SPAG17: variants seen among roughly 807,000 people sequenced by gnomAD.
SPAG17 encodes the protein sperm-associated antigen 17.
In SPAG17, 169 loss-of-function variants were observed where a neutral mutation model predicts 273.6. The ratio of observed to expected loss-of-function variants is 0.62; its 90% CI spans 0.55 to 0.70. SPAG17 has a LOEUF of 0.70. SPAG17 is among the 30% of genes least tolerant of loss of function. The probability of loss-of-function intolerance (pLI) is 0.00; values close to 1 mark genes in which losing one functional copy is unlikely to be tolerated. For synonymous variants in SPAG17, 825 were observed against 873.2 expected, an observed-to-expected ratio of 0.94 and a Z score of 0.97; for missense variants, 2,557 against 2,627.8, an observed-to-expected ratio of 0.97 and a Z score of 0.59.
At chr1:117,960,720 G>C (rs1652962965) in intron 48 of SPAG17, 1 of 152,190 alleles carries the variant, frequency 6.6e-6, no homozygotes, top group African/African-American at 2.4e-5. Flanking sequence ...GTGTATTACA[G>C]TTCATTTTAT....
At chr1:118,030,555 T>A (rs1028803917) in intron 25 of SPAG17, among the ~76,000 whole-genome samples, 1 of 152,140 alleles carries the variant, frequency 6.6e-6, no homozygotes, top group Non-Finnish European at 1.5e-5. Context: ...AAGCCCTGCA[T>A]GCATTAGGTA....
rs745854190 is a variant in SPAG17 at position 117,955,971 on chromosome 1, GC to G, written c.*1-1923del. Among the ~76,000 whole-genome samples, 41 of 152,156 alleles carry G rather than the reference GC, an allele frequency of 2.7e-4. No individual in the cohort carries two copies. In the East Asian group the frequency reaches 3.7e-3, roughly 14 times the overall value. Reference sequence around the variant, plus strand: ...GCATAAGCTTTTAAAGTTTTATATTGCCAAATTACTTTCCAGGGTGATTATA... The same window carrying G: ...GCATAAGCTTTTAAAGTTTTATATTGCAAATTACTTTCCAGGGTGATTATA... On this transcript the variant is annotated intron_variant, in intron 48 of 48. Transcript: ENST00000336338.
chr1:118,091,832 T>C, intron 9 of SPAG17, 98 bp downstream of exon 9: 2 of 1,363,358 alleles, frequency 1.5e-6, no homozygotes, highest in South Asian at 2.3e-5. Flanking sequence ...GCAGGAGCTG[T>C]AGGTGAAGGG....
At chr1:117,957,264 G>A in intron 48 of SPAG17, 1 of 1,521,916 alleles carries the variant, frequency 6.6e-7, no homozygotes. Context: ...CTTAACTGAA[G>A]CTGTCAACAC....
chr1:118,027,329 T>G (rs1465735912), intron 26 of SPAG17, among the ~76,000 whole-genome samples: 1 of 152,212 alleles, frequency 6.6e-6, no homozygotes, highest in East Asian at 1.9e-4. Context: ...TCTGCTTTTT[T>G]GCGGGGGAGG....
At chr1:118,092,273 A>C (rs1191945696) in intron 8 of SPAG17, among the ~76,000 whole-genome samples, 1 of 152,150 alleles carries the variant, frequency 6.6e-6, no homozygotes, top group Non-Finnish European at 1.5e-5. Context: ...CTGAGCATCA[A>C]ACAGGTTTTT....
chr1:118,049,553 G>A lies in SPAG17; in HGVS notation c.2814+4449C>T, dbSNP rs371027655. 5.3e-5 allele frequency among the ~76,000 whole-genome samples: 8 copies of A among 152,222 alleles called. No individual in the cohort carries two copies. In the East Asian group the frequency reaches 1.5e-3, roughly 29 times the overall value. The stretch of plus-strand genomic sequence containing the variant: ...CATAATAAAAACTCTCAACAAAGTA[G>A]ATAAAGAGGAAATGTATCTCAACAC... On this transcript the variant is annotated intron_variant, in intron 20 of 48. Transcript: ENST00000336338.
In SPAG17 at chr1:118,091,947, G is replaced by A. The variant is rs554541819; in HGVS notation, c.1229C>T (p.Pro410Leu). The A allele has an allele frequency of 1.4e-5, 23 of 1,613,558 alleles. No homozygotes were observed. The East Asian group carries it at 3.1e-4, about 22-fold the overall frequency. Residue 410 changes from proline (P) to leucine (L), a missense_variant, in exon 9 of 49, where the codon CCG becomes CTG. Pro to Leu is a moderately conservative substitution (Grantham distance 98, BLOSUM62 -3). Coordinates refer to ENST00000336338, the MANE Select transcript of SPAG17 (RefSeq NM_206996.4). The stretch of plus-strand genomic sequence containing the variant: ...ATACATGCCTGGTGGTGGAGCTTGC[G>A]GTTCTTCATACTGTGCTTTCTTCTT... Reference protein sequence around the residue: ...PGKKKAQYEEPQAPPPVTSVI... With the variant: ...PGKKKAQYEELQAPPPVTSVI...
At chr1:117,967,878 A>G (rs1322788010) in intron 46 of SPAG17, among the ~76,000 whole-genome samples, 2 of 152,208 alleles carry the variant, frequency 1.3e-5, no homozygotes, top group African/African-American at 4.8e-5. Flanking sequence ...ATCTGAAACT[A>G]CCACATGAAA....
At chr1:118,141,628 T>C (rs923213367) in intron 3 of SPAG17, among the ~76,000 whole-genome samples, 3 of 152,204 alleles carry the variant, frequency 2.0e-5, no homozygotes, top group African/African-American at 7.2e-5. Context: ...GCTGATTCCA[T>C]TGGTGACTGT....
intron 48 of SPAG17, 76 bp downstream of exon 48, chr1:117,963,723 A>AG (rs1653426413): frequency 7.3e-7 from 1 of 1,368,934 alleles, no homozygotes; most frequent in African/African-American, 1.5e-5. Context: ...CTATAAGAAG[A>AG]GGGGAAGAAA....
chr1:118,175,626 A>C (rs1365590618), intron 1 of SPAG17, among the ~76,000 whole-genome samples: 2 of 151,996 alleles, frequency 1.3e-5, no homozygotes, highest in Non-Finnish European at 2.9e-5. Flanking sequence ...CAGCAAAGCT[A>C]CACTTCAAAT....
chr1:118,128,614 A>G lies in SPAG17; in HGVS notation c.316-13173T>C, dbSNP rs151199502. On this transcript the variant is annotated intron_variant, in intron 3 of 48. Transcript: ENST00000336338. ...AAAATCCTGCTTTCAGTCTGAGACTAGTGATTGAGACCCTACTAGTTACTG... is the reference window on the plus strand; with the variant it reads ...AAAATCCTGCTTTCAGTCTGAGACTGGTGATTGAGACCCTACTAGTTACTG... Among the ~76,000 whole-genome samples, 406 of 152,252 alleles carry G rather than the reference A, an allele frequency of 2.7e-3. 1 individual carries two copies. Among genetic ancestry groups the G allele is most frequent in the African/African-American group, 9.5e-3 (395 of 41,546 alleles).
At chr1:118,003,424 C>T (rs1396744803) in intron 32 of SPAG17, among the ~76,000 whole-genome samples, 1 of 152,206 alleles carries the variant, frequency 6.6e-6, no homozygotes, top group Non-Finnish European at 1.5e-5. Flanking sequence ...TGTTTCCCAA[C>T]TTGGTTCCAT....
At chr1:118,100,485 A>G (rs1478499788) in intron 5 of SPAG17, among the ~76,000 whole-genome samples, 2 of 152,188 alleles carry the variant, frequency 1.3e-5, no homozygotes, top group Non-Finnish European at 2.9e-5. Context: ...TAATACTGAT[A>G]GCACATGGTA....
chr1:118,062,138 C>T (rs909599144), intron 18 of SPAG17, among the ~76,000 whole-genome samples: 5 of 151,852 alleles, frequency 3.3e-5, no homozygotes, highest in Non-Finnish European at 5.9e-5. Context: ...GAGGCCGAGG[C>T]GGGCGGATCA....
intron 48 of SPAG17, chr1:117,959,625 T>C (rs1652759947): frequency 1.7e-6 from 1 of 576,900 alleles, no homozygotes; most frequent in Non-Finnish European, 2.7e-6. Flanking sequence ...GATTATGGGC[T>C]GGCTCCATTT....
intron 20 of SPAG17, among the ~76,000 whole-genome samples, chr1:118,050,451 A>G (rs1334242682): frequency 6.6e-6 from 1 of 152,182 alleles, no homozygotes; most frequent in Non-Finnish European, 1.5e-5. Flanking sequence ...GCAGACCCAT[A>G]TGGATTCACC....
chr1:118,098,198 CACTTTTTAAATCA>C (rs1421355939), intron 6 of SPAG17, among the ~76,000 whole-genome samples: 1 of 152,192 alleles, frequency 6.6e-6, no homozygotes, highest in Non-Finnish European at 1.5e-5. Context: ...TCTGCCATAT[CACTTTTTAAATCA>C]ACTTAGTGTC....
Sources: gnomAD v4.1 joint callset for allele counts (sites outside exome capture counted in the v4.1 genomes callset) on GRCh38, gnomAD v4.1.1 for gene constraint, MANE v1.5 for transcripts, NCBI Gene and HGNC (gene_info 2026-07-23, HGNC 2026-07-21) for gene names.